Variants in CACNA1D observed in about 807,000 individuals in gnomAD.
The protein encoded by CACNA1D is calcium voltage-gated channel subunit alpha1 D.
In CACNA1D, 55 loss-of-function variants were observed where a neutral mutation model predicts 257.1. The ratio of observed to expected loss-of-function variants is 0.21; its 90% CI spans 0.17 to 0.27. The LOEUF (loss-of-function observed/expected upper bound fraction) is 0.27. CACNA1D is among the 10% of genes least tolerant of loss of function. CACNA1D has a pLI of 1.00. For missense variants in CACNA1D, 1,876 were observed against 2,784.0 expected, an observed-to-expected ratio of 0.67 and a Z score of 7.34; for synonymous variants, 980 against 1,014.9, an observed-to-expected ratio of 0.97 and a Z score of 0.65.
At position 53,495,391 on chromosome 3, in the gene CACNA1D, C is replaced by T. The variant is rs975827089; in HGVS notation, c.67+158C>T. Reference sequence around the variant, plus strand: ...CACAGAGAGGGGACATGCGTGACAGCCACTCCGCGCTCCCCTCCAGGCCCT... The same window carrying T: ...CACAGAGAGGGGACATGCGTGACAGTCACTCCGCGCTCCCCTCCAGGCCCT... On this transcript the variant is annotated intron_variant, in intron 1 of 47. Coordinates refer to ENST00000350061, the MANE Select transcript of CACNA1D (RefSeq NM_001128840.3). This position sits in a 1 kb window ranked among gnomAD's most constrained non-coding sequence, Gnocchi z 5.1. Among the ~76,000 whole-genome samples, 1 of 152,276 alleles carries T rather than the reference C, an allele frequency of 6.6e-6. No homozygotes were observed. The highest frequency in any genetic ancestry group is 1.9e-4 in the East Asian group (1 of 5,172).
chr3:53,508,472 T>A (rs754683853), intron 3 of CACNA1D, among the ~76,000 whole-genome samples: 6 of 152,090 alleles, frequency 3.9e-5, no homozygotes, highest in Non-Finnish European at 7.4e-5. Context: ...TCCTCTCTCT[T>A]CCCCCACCAC....
intron 3 of CACNA1D, among the ~76,000 whole-genome samples, chr3:53,583,973 A>G (rs2093173235): frequency 6.6e-6 from 1 of 152,208 alleles, no homozygotes; most frequent in Non-Finnish European, 1.5e-5. Flanking sequence ...TTGGAGAGAC[A>G]GCAGCTGTGG....
At chr3:53,679,663 A>G (rs551747782) in intron 8 of CACNA1D, 1 of 152,354 alleles carries the variant, frequency 6.6e-6, no homozygotes, top group African/African-American at 2.4e-5. Flanking sequence ...TGTTGTAGTG[A>G]TGATTAAGCT....
intron 4 of CACNA1D, among the ~76,000 whole-genome samples, chr3:53,657,793 C>T (rs1308721362): frequency 1.3e-5 from 2 of 152,194 alleles, no homozygotes; most frequent in Non-Finnish European, 2.9e-5. Flanking sequence ...TCCATTCCAA[C>T]AGTGACCTAT....
intron 3 of CACNA1D, among the ~76,000 whole-genome samples, chr3:53,585,427 T>G (rs1197307265): frequency 6.6e-6 from 1 of 152,184 alleles, no homozygotes; most frequent in Non-Finnish European, 1.5e-5. Flanking sequence ...AAAACTTTTT[T>G]TGACCAAAAA....
At chr3:53,696,570 G>A (rs2094575175) in intron 8 of CACNA1D, among the ~76,000 whole-genome samples, 1 of 152,220 alleles carries the variant, frequency 6.6e-6, no homozygotes, top group South Asian at 2.1e-4. Context: ...TGCTCAATGA[G>A]TAGAGTTTTC....
At chr3:53,504,600 T>C (rs558319205) in intron 3 of CACNA1D, among the ~76,000 whole-genome samples, 1 of 152,136 alleles carries the variant, frequency 6.6e-6, no homozygotes, top group Non-Finnish European at 1.5e-5. Context: ...ACGGTGCAAC[T>C]CAGTTCCCAC....
chr3:53,595,204 G>T (rs2093355467), intron 3 of CACNA1D, among the ~76,000 whole-genome samples: 2 of 152,326 alleles, frequency 1.3e-5, no homozygotes, highest in Admixed American at 1.3e-4. Context: ...CCCCCTTAGG[G>T]TTAATAATTA....
intron 3 of CACNA1D, among the ~76,000 whole-genome samples, chr3:53,648,829 AACACACACACAC>A (rs148968944): frequency 5.5e-5 from 8 of 146,752 alleles, no homozygotes; most frequent in Non-Finnish European, 9.0e-5. Context: ...TAACTCTCAA[AACACACACACAC>A]ACACACACAC....
At chr3:53,519,212 CGTA>C (rs1214272209) in intron 3 of CACNA1D, among the ~76,000 whole-genome samples, 2 of 152,124 alleles carry the variant, frequency 1.3e-5, no homozygotes, top group Admixed American at 1.3e-4. Flanking sequence ...CTGATGCAAT[CGTA>C]GAAGTCACAG....
chr3:53,787,002 G>A, intron 40 of CACNA1D, 50 bp downstream of exon 40: 1 of 1,601,456 alleles, frequency 6.2e-7, no homozygotes, highest in South Asian at 1.1e-5. Flanking sequence ...GATTTTACAA[G>A]CTTATTTGAA....
chr3:53,772,458 T>C (rs1161866969), intron 32 of CACNA1D, among the ~76,000 whole-genome samples: 1 of 152,236 alleles, frequency 6.6e-6, no homozygotes, highest in Non-Finnish European at 1.5e-5. Flanking sequence ...GGAAGTACTC[T>C]AAATGTCCAG....
chr3:53,511,100 A>G (rs1001190320), intron 3 of CACNA1D, among the ~76,000 whole-genome samples: 15 of 152,106 alleles, frequency 9.9e-5, no homozygotes, highest in Admixed American at 7.9e-4. Flanking sequence ...AGAATATCCA[A>G]TCCGGTATGT....
At chr3:53,696,210 C>T (rs1322325020) in intron 8 of CACNA1D, among the ~76,000 whole-genome samples, 1 of 152,188 alleles carries the variant, frequency 6.6e-6, no homozygotes, top group East Asian at 1.9e-4. Context: ...TCAAGCAATC[C>T]TCCCACCATC....
intron 3 of CACNA1D, among the ~76,000 whole-genome samples, chr3:53,610,501 C>T (rs917653521): frequency 1.3e-5 from 2 of 152,122 alleles, no homozygotes; most frequent in Admixed American, 6.5e-5. Flanking sequence ...CTCTTTCTCC[C>T]TGTTGATGTT....
chr3:53,660,625 G>A (rs1013638482), intron 5 of CACNA1D, among the ~76,000 whole-genome samples: 13 of 151,896 alleles, frequency 8.6e-5, no homozygotes, highest in African/African-American at 2.9e-4. Flanking sequence ...TCCCAGGCCT[G>A]CCCCTCTGAA....
At chr3:53,781,032 A>C (rs1394558098) in intron 38 of CACNA1D, among the ~76,000 whole-genome samples, 2 of 152,238 alleles carry the variant, frequency 1.3e-5, no homozygotes, top group Non-Finnish European at 2.9e-5. Flanking sequence ...CAGCATTGTT[A>C]AGGGCTCCAG....
chr3:53,770,081 G>A lies in CACNA1D; in HGVS notation c.3915+64G>A. On this transcript the variant is annotated intron_variant, in intron 31 of 47. Coordinates refer to ENST00000350061, the MANE Select transcript of CACNA1D (RefSeq NM_001128840.3). ...CCTTAAGTTTATTTGACCATGTCGA[G>A]TTTTCCACTGGTTTTTCTGTATTCT... The A allele has an allele frequency of 2.3e-6, 3 of 1,302,914 alleles. No homozygotes were observed. The South Asian group carries it at 3.5e-5, about 15-fold the overall frequency. The allele number at this position is 1,302,914 out of a possible 1,614,324, so 80.7% of individuals were successfully genotyped here. A position where few individuals can be genotyped will look rare whatever the true frequency, so the allele number is the denominator to read the frequency against.
intron 26 of CACNA1D, 164 bp from the exon 27 acceptor site, chr3:53,749,104 T>A (rs1458760224): frequency 4.3e-6 from 3 of 704,964 alleles, no homozygotes; most frequent in Non-Finnish European, 7.8e-6. Context: ...TGTTTGGGCC[T>A]GAGGCTGATG....
Sources: gnomAD v4.1 joint callset for allele counts (sites outside exome capture counted in the v4.1 genomes callset) on GRCh38, gnomAD v4.1.1 for gene constraint, Gnocchi (gnomAD v3.1) non-coding constraint, MANE v1.5 for transcripts, NCBI Gene and HGNC (gene_info 2026-07-23, HGNC 2026-07-21) for gene names.